SDK1: variants seen among roughly 807,000 people sequenced by gnomAD.
The protein encoded by SDK1 is sidekick cell adhesion molecule 1, also known as protein sidekick-1.
SDK1 carries 157 observed loss-of-function variants against 245.5 expected under a neutral mutation model. That is an observed-to-expected ratio of 0.64 (90% CI 0.56 to 0.73). The LOEUF (loss-of-function observed/expected upper bound fraction) is 0.73. SDK1 is among the 30% of genes least tolerant of loss of function. The probability of loss-of-function intolerance (pLI) is 0.00; values close to 1 mark genes in which losing one functional copy is unlikely to be tolerated. For synonymous variants in SDK1, 1,647 were observed against 1,278.5 expected, an observed-to-expected ratio of 1.29 and a Z score of -6.15; for missense variants, 3,583 against 3,002.3, an observed-to-expected ratio of 1.19 and a Z score of -4.52.
At chr7:4,103,795 G>T (rs546978938) in intron 22 of SDK1, among the ~76,000 whole-genome samples, 1 of 152,226 alleles carries the variant, frequency 6.6e-6, no homozygotes, top group Non-Finnish European at 1.5e-5. Flanking sequence ...CTCAGCAGCC[G>T]AGGAGGAGTC....
At chr7:4,006,228 T>C (rs757904689) in intron 14 of SDK1, among the ~76,000 whole-genome samples, 4 of 152,092 alleles carry the variant, frequency 2.6e-5, no homozygotes, top group African/African-American at 4.8e-5. Flanking sequence ...TAAAGCGGGG[T>C]TGTGATTCAT....
intron 7 of SDK1, 172 bp downstream of exon 7, chr7:3,952,092 A>G (rs1175490633): frequency 3.2e-6 from 2 of 621,726 alleles, no homozygotes; most frequent in Non-Finnish European, 5.5e-6. Flanking sequence ...CCAAGAATAT[A>G]AGTCCATTAA....
At chr7:3,347,902 TTTTC>T (rs1201915469) in intron 1 of SDK1, among the ~76,000 whole-genome samples, 1 of 152,160 alleles carries the variant, frequency 6.6e-6, no homozygotes, top group African/African-American at 2.4e-5. Context: ...GTTTTTTTTT[TTTTC>T]CTTTTGTGTA....
intron 4 of SDK1, among the ~76,000 whole-genome samples, chr7:3,656,762 A>G (rs1783198462): frequency 1.4e-5 from 2 of 138,276 alleles, no homozygotes; most frequent in Non-Finnish European, 3.1e-5. Flanking sequence ...TTTTTTTGAG[A>G]CGGAGTCTCG....
chr7:3,651,383 A>G (rs970723778), intron 4 of SDK1, among the ~76,000 whole-genome samples: 1 of 152,240 alleles, frequency 6.6e-6, no homozygotes, highest in Admixed American at 6.5e-5. Context: ...TGAAATTAGA[A>G]AAAAGCAAAC....
In SDK1 at chr7:4,149,415, C is replaced by G. The variant is rs374507904; in HGVS notation, c.4577C>G (p.Thr1526Ser). ...GAGCTGCCTCGGGGTGAGTGGCAGA[C>G]CTACTCCTCGTCCATCAGCCATGAG... ...VRELPRGEWQTYSSSISHEAT... is the reference protein window; with the variant it reads ...VRELPRGEWQSYSSSISHEAT... The change falls in exon 30 of 45, where the codon ACC becomes AGC. Residue 1526 changes from threonine (T) to serine (S), a missense_variant. Coordinates refer to ENST00000404826, the MANE Select transcript of SDK1 (RefSeq NM_152744.4). 1.3e-5 allele frequency: 20 copies of G among 1,574,654 alleles called. No homozygotes were observed. The highest frequency in any genetic ancestry group is 1.7e-5 in the Non-Finnish European group (20 of 1,161,618).
At chr7:3,837,095 C>T (rs1420413166) in intron 5 of SDK1, among the ~76,000 whole-genome samples, 1 of 152,042 alleles carries the variant, frequency 6.6e-6, no homozygotes, top group African/African-American at 2.4e-5. Flanking sequence ...CTTAAGGGCC[C>T]TGTCTTCAAA....
At chr7:3,333,267 T>C (rs1002933337) in intron 1 of SDK1, among the ~76,000 whole-genome samples, 6 of 152,128 alleles carry the variant, frequency 3.9e-5, no homozygotes, top group Admixed American at 2.6e-4. Context: ...TTAGAAACTT[T>C]TGGAATGTCT....
At chr7:3,619,048 G>C in intron 1 of SDK1, 32 bp from the exon 2 acceptor site, 4 of 1,511,640 alleles carry the variant, frequency 2.6e-6, no homozygotes, top group Non-Finnish European at 2.7e-6. Context: ...GCGTACTTCA[G>C]TTTTGTTTTG....
intron 4 of SDK1, among the ~76,000 whole-genome samples, chr7:3,793,447 G>C (rs1352592828): frequency 1.3e-5 from 2 of 152,080 alleles, no homozygotes; most frequent in African/African-American, 4.8e-5. Flanking sequence ...GAATATTTCA[G>C]TGCACAATGA....
At chr7:4,057,934 A>G (rs1052583520) in intron 19 of SDK1, among the ~76,000 whole-genome samples, 4 of 152,234 alleles carry the variant, frequency 2.6e-5, no homozygotes, top group Non-Finnish European at 4.4e-5. Flanking sequence ...AATCCAAAAA[A>G]TTAGAAGAAG....
intron 22 of SDK1, among the ~76,000 whole-genome samples, chr7:4,089,031 C>A (rs1296417760): frequency 6.8e-6 from 1 of 146,762 alleles, no homozygotes; most frequent in African/African-American, 2.5e-5. Flanking sequence ...CACAATGAGG[C>A]CCCTCAGATG....
At chr7:3,888,154 G>T (rs772573203) in intron 5 of SDK1, among the ~76,000 whole-genome samples, 2 of 152,206 alleles carry the variant, frequency 1.3e-5, no homozygotes, top group South Asian at 2.1e-4. Flanking sequence ...GATAGATGCC[G>T]CACCTTCTGC....
chr7:3,686,019 A>G (rs11979810), intron 4 of SDK1, among the ~76,000 whole-genome samples: 5,604 of 152,304 alleles, frequency 0.037, 352 homozygotes, highest in African/African-American at 0.13. Flanking sequence ...CTTAAAGTGC[A>G]ATGACATAAG....
intron 5 of SDK1, among the ~76,000 whole-genome samples, chr7:3,939,564 C>G (rs1169798398): frequency 6.6e-6 from 1 of 152,114 alleles, no homozygotes; most frequent in Admixed American, 6.5e-5. Context: ...AGAGACTTAC[C>G]TCTTGGTGGG....
chr7:4,233,790 C>T (rs987811865), intron 41 of SDK1, among the ~76,000 whole-genome samples: 2 of 152,148 alleles, frequency 1.3e-5, no homozygotes, highest in Non-Finnish European at 2.9e-5. Context: ...TGGGCTGCTC[C>T]CTGCTTCCCT....
intron 5 of SDK1, among the ~76,000 whole-genome samples, chr7:3,943,522 C>T (rs1399190857): frequency 6.7e-6 from 1 of 150,124 alleles, no homozygotes; most frequent in Non-Finnish European, 1.5e-5. Flanking sequence ...GAGCGGAGTC[C>T]ATTTCCCCCA....
At chr7:3,850,045 A>G (rs905229622) in intron 5 of SDK1, among the ~76,000 whole-genome samples, 1 of 152,242 alleles carries the variant, frequency 6.6e-6, no homozygotes. Context: ...GTTATGTAAC[A>G]TCAGTCAAAA....
intron 1 of SDK1, among the ~76,000 whole-genome samples, chr7:3,363,712 G>T (rs986471152): frequency 3.3e-5 from 5 of 152,170 alleles, no homozygotes; most frequent in African/African-American, 1.2e-4. Context: ...TCACAGTAGG[G>T]TTTGTGCTCC....
Sources: gnomAD v4.1 joint callset for allele counts (sites outside exome capture counted in the v4.1 genomes callset) on GRCh38, gnomAD v4.1.1 for gene constraint, MANE v1.5 for transcripts, NCBI Gene and HGNC (gene_info 2026-07-23, HGNC 2026-07-21) for gene names.